The following NAALADL2 variants were observed in gnomAD, a reference collection of about 807,000 sequenced individuals.
NAALADL2 encodes the protein N-acetylated alpha-linked acidic dipeptidase like 2, also known as inactive N-acetylated-alpha-linked acidic dipeptidase-like protein 2.
NAALADL2 carries 76 observed loss-of-function variants against 87.2 expected under a neutral mutation model. The ratio of observed to expected loss-of-function variants is 0.87; its 90% CI spans 0.72 to 1.05. NAALADL2 has a LOEUF of 1.05. NAALADL2 is among the 50% of genes least tolerant of loss of function. NAALADL2 has a pLI of 0.00. For missense variants in NAALADL2, 1,089 were observed against 945.8 expected (o/e 1.15, Z -1.99); for synonymous variants, 354 against 331.0 (o/e 1.07, Z -0.75).
chr3:175,195,518 G>T (rs1738859158), intron 2 of NAALADL2, among the ~76,000 whole-genome samples: 1 of 151,828 alleles, frequency 6.6e-6, no homozygotes, highest in African/African-American at 2.4e-5. Context: ...GAGGGCATGA[G>T]CCATGGGAAT....
chr3:175,123,996 C>A (rs1580574815), intron 2 of NAALADL2, among the ~76,000 whole-genome samples: 1 of 151,912 alleles, frequency 6.6e-6, no homozygotes, highest in Admixed American at 6.6e-5. Flanking sequence ...AAAAGAACAT[C>A]AGGGTAGCCA....
chr3:174,695,893 T>C (rs927939985), intron 2 of NAALADL2, among the ~76,000 whole-genome samples: 4 of 152,016 alleles, frequency 2.6e-5, no homozygotes, highest in African/African-American at 9.7e-5. Context: ...TTTAGAAATA[T>C]TTGAGCAGAT....
chr3:175,270,609 G>A (rs560963012), intron 4 of NAALADL2, among the ~76,000 whole-genome samples: 1 of 152,220 alleles, frequency 6.6e-6, no homozygotes, highest in African/African-American at 2.4e-5. Flanking sequence ...CCGGGAAAAT[G>A]TTGCCATTAA....
At chr3:175,673,527 C>CT (rs992445124) in intron 11 of NAALADL2, among the ~76,000 whole-genome samples, 12 of 149,216 alleles carry the variant, frequency 8.0e-5, no homozygotes, top group East Asian at 1.9e-4. Flanking sequence ...ATATTAAAAA[C>CT]TTTTTTTTTG....
intron 10 of NAALADL2, among the ~76,000 whole-genome samples, chr3:175,625,406 C>T (rs1462292316): frequency 6.6e-6 from 1 of 151,970 alleles, no homozygotes; most frequent in Non-Finnish European, 1.5e-5. Flanking sequence ...GATGTGTATG[C>T]CTTCTGATTG....
At chr3:174,897,015 T>C (rs1195760530) in intron 1 of NAALADL2, among the ~76,000 whole-genome samples, 4 of 152,068 alleles carry the variant, frequency 2.6e-5, no homozygotes, top group African/African-American at 9.7e-5. Flanking sequence ...AAAAATAAAA[T>C]TGAAGTGGAT....
At chr3:175,740,404 A>G (rs1338396652) in intron 12 of NAALADL2, among the ~76,000 whole-genome samples, 1 of 152,214 alleles carries the variant, frequency 6.6e-6, no homozygotes, top group Admixed American at 6.5e-5. Context: ...CATTTGAACC[A>G]GAGTGACTCC....
intron 2 of NAALADL2, among the ~76,000 whole-genome samples, chr3:174,663,110 A>G (rs543425959): frequency 9.9e-4 from 151 of 152,244 alleles, no homozygotes; most frequent in Non-Finnish European, 1.6e-3. Flanking sequence ...AATATATTCC[A>G]TTGGCATTTA....
At chr3:175,699,475 C>A (rs1368564653) in intron 11 of NAALADL2, among the ~76,000 whole-genome samples, 1 of 152,008 alleles carries the variant, frequency 6.6e-6, no homozygotes, top group Non-Finnish European at 1.5e-5. Context: ...AGGACATTAA[C>A]TCTGCATTCA....
chr3:174,819,964 C>A (rs1279846254), intron 3 of NAALADL2, among the ~76,000 whole-genome samples: 1 of 152,044 alleles, frequency 6.6e-6, no homozygotes, highest in Non-Finnish European at 1.5e-5. Context: ...CATTACATTT[C>A]CCTTCATATT....
At chr3:175,275,683 T>C (rs1361091955) in intron 4 of NAALADL2, among the ~76,000 whole-genome samples, 1 of 152,100 alleles carries the variant, frequency 6.6e-6, no homozygotes. Context: ...GGTGTCTTTA[T>C]GCATATTAGT....
At chr3:174,512,637 C>G (rs1719671988) in intron 1 of NAALADL2, among the ~76,000 whole-genome samples, 1 of 152,092 alleles carries the variant, frequency 6.6e-6, no homozygotes, top group Non-Finnish European at 1.5e-5. Flanking sequence ...AGTATTGTTT[C>G]CCACAAATTT....
chr3:174,804,209 G>T (rs1051380043), intron 3 of NAALADL2, among the ~76,000 whole-genome samples: 8 of 152,010 alleles, frequency 5.3e-5, no homozygotes, highest in African/African-American at 1.9e-4. Flanking sequence ...GTATTCCTAG[G>T]TATTTTATTA....
At chr3:174,875,649 A>G (rs1040372043) in intron 1 of NAALADL2, among the ~76,000 whole-genome samples, 4 of 152,192 alleles carry the variant, frequency 2.6e-5, no homozygotes, top group African/African-American at 4.8e-5. Context: ...ACAGAAATAT[A>G]TCTTATTTTC....
intron 1 of NAALADL2, among the ~76,000 whole-genome samples, chr3:174,947,440 G>T (rs1315758084): frequency 6.6e-6 from 1 of 152,008 alleles, no homozygotes; most frequent in Non-Finnish European, 1.5e-5. Flanking sequence ...CTTTTTCTAA[G>T]ATTAACAGTT....
chr3:175,618,754 G>C (rs1725724343), intron 10 of NAALADL2, among the ~76,000 whole-genome samples: 1 of 152,076 alleles, frequency 6.6e-6, no homozygotes, highest in Admixed American at 6.5e-5. Flanking sequence ...TGCTGCCCAG[G>C]AATGTGAGTG....
chr3:175,543,327 A>G (rs1712715666), intron 9 of NAALADL2, among the ~76,000 whole-genome samples: 1 of 152,170 alleles, frequency 6.6e-6, no homozygotes, highest in African/African-American at 2.4e-5. Context: ...TAAAAAATGA[A>G]CACCATATTG....
intron 11 of NAALADL2, among the ~76,000 whole-genome samples, chr3:175,642,276 C>CT (rs921152841): frequency 2.4e-4 from 37 of 151,944 alleles, no homozygotes; most frequent in Admixed American, 5.2e-4. Flanking sequence ...TTGTGATTTG[C>CT]TTTTTTACCC....
chr3:175,016,351 T>A lies in NAALADL2; in HGVS notation c.44-80439T>A, dbSNP rs1167592529. ...GAATATTACGTGACTCATTACAACA[T>A]TACAACAGTAGCATATCTATTGACA... On this transcript the variant is annotated intron_variant, in intron 1 of 13. Coordinates refer to ENST00000454872, the MANE Select transcript of NAALADL2 (RefSeq NM_207015.3). 2.0e-5 allele frequency among the ~76,000 whole-genome samples: 3 copies of A among 150,702 alleles called. No individual in the cohort carries two copies. The East Asian group carries it at 5.8e-4, about 29-fold the overall frequency.
Sources: allele counts gnomAD v4.1 joint callset (sites outside exome capture counted in the v4.1 genomes callset), GRCh38; gene constraint gnomAD v4.1.1; transcripts MANE v1.5; gene names NCBI Gene and HGNC (gene_info 2026-07-23, HGNC 2026-07-21).